Variants in CDK5RAP2 observed in about 807,000 individuals in gnomAD.
CDK5RAP2 encodes the protein CDK5 regulatory subunit associated protein 2.
A neutral mutation model predicts 232.9 loss-of-function variants in CDK5RAP2; 147 were observed. The observed-to-expected ratio is 0.63, with a 90% confidence interval of 0.55 to 0.72. The LOEUF (loss-of-function observed/expected upper bound fraction) is 0.72. Among genes scored for constraint, CDK5RAP2 ranks in the 30% least tolerant of loss-of-function variants. CDK5RAP2 has a pLI of 0.00. For synonymous variants in CDK5RAP2, 833 were observed against 833.7 expected (o/e 1.00, Z 0.01); for missense variants, 2,195 against 2,231.5 (o/e 0.98, Z 0.33).
intron 12 of CDK5RAP2, among the ~76,000 whole-genome samples, chr9:120,517,175 T>C (rs1050788774): frequency 4.6e-5 from 7 of 152,234 alleles, no homozygotes; most frequent in African/African-American, 1.7e-4. Flanking sequence ...AGAAAATCAG[T>C]AAGAGTTACT....
intron 26 of CDK5RAP2, 68 bp from the exon 27 acceptor site, chr9:120,420,028 C>G (rs1453003374): frequency 8.1e-7 from 1 of 1,228,382 alleles, no homozygotes; most frequent in Admixed American, 1.7e-5. Flanking sequence ...CTATGACTTA[C>G]GAATACTTAC....
At position 120,487,297 on chromosome 9, in the gene CDK5RAP2, A is replaced by G. The variant is rs1588462721; in HGVS notation, c.1623T>C (p.Ser541=). ...QQPPGSKTIF[S]KEKKQSSDYE... is the part of the protein sequence containing the mutation. ...GTCCAATTTCAGTCAAGCTTACCTT[A>G]GAGAAGATGGTTTTGCTGCCTGGTG... is the stretch of plus-strand genomic sequence containing the variant. The change falls in exon 14 of 38, where the codon TCT becomes TCC. Residue 541 remains serine, a synonymous_variant. Transcript: ENST00000349780. 1.9e-6 allele frequency: 3 copies of G among 1,613,912 alleles called. No homozygotes were observed. Among genetic ancestry groups the G allele is most frequent in the Non-Finnish European group, 2.5e-6 (3 of 1,179,822 alleles).
intron 4 of CDK5RAP2, among the ~76,000 whole-genome samples, chr9:120,546,059 T>G (rs1380727033): frequency 6.6e-6 from 1 of 152,200 alleles, no homozygotes; most frequent in Non-Finnish European, 1.5e-5. Flanking sequence ...CATTCAAATA[T>G]CAAGGCATAA....
chr9:120,550,989 C>A, intron 3 of CDK5RAP2, 87 bp from the exon 4 acceptor site: 1 of 797,794 alleles, frequency 1.3e-6, no homozygotes. Flanking sequence ...CTATGGATTA[C>A]GAGGCTACAA....
intron 36 of CDK5RAP2, among the ~76,000 whole-genome samples, chr9:120,392,728 G>A (rs1311633550): frequency 6.6e-6 from 1 of 152,172 alleles, no homozygotes; most frequent in African/African-American, 2.4e-5. Flanking sequence ...CTCTACGAGT[G>A]ACACGAAACC....
chr9:120,510,356 G>T (rs779963780), intron 12 of CDK5RAP2, among the ~76,000 whole-genome samples: 3 of 152,086 alleles, frequency 2.0e-5, no homozygotes, highest in Non-Finnish European at 4.4e-5. Context: ...GCGGATGACG[G>T]GTCTCATAAC....
At position 120,403,199 on chromosome 9, in the gene CDK5RAP2, C is replaced by A. The variant is rs2033187398; in HGVS notation, c.5042-128G>T. 3 of 902,614 alleles carry A rather than the reference C, an allele frequency of 3.3e-6. No homozygotes were observed. The highest frequency in any genetic ancestry group is 3.3e-5 in the African/African-American group (2 of 60,542). The allele number at this position is 902,614 out of a possible 1,614,324, so 55.9% of individuals were successfully genotyped here. A position where few individuals can be genotyped will look rare whatever the true frequency, so the allele number is the denominator to read the frequency against. ...GTGCCCAAATGCCACCCAACACAAGCCCAGAGGGGAAAAGAGGCACGCTCC... is the reference window on the plus strand; with the variant it reads ...GTGCCCAAATGCCACCCAACACAAGACCAGAGGGGAAAAGAGGCACGCTCC... On this transcript the variant is annotated intron_variant, in intron 33 of 37. Transcript: ENST00000349780. This position sits in a 1 kb window ranked among gnomAD's most constrained non-coding sequence, Gnocchi z 4.2.
At chr9:120,568,448 T>G in intron 2 of CDK5RAP2, 60 bp from the exon 3 acceptor site, 1 of 1,177,808 alleles carries the variant, frequency 8.5e-7, no homozygotes. Context: ...GTGTTCCTAT[T>G]GGGGAATAGA....
intron 25 of CDK5RAP2, among the ~76,000 whole-genome samples, chr9:120,428,992 A>G (rs2035103703): frequency 6.6e-6 from 1 of 151,782 alleles, no homozygotes. Context: ...TATAAACAGA[A>G]CCAAAGACAA....
chr9:120,531,668 T>C (rs964603145), intron 7 of CDK5RAP2, among the ~76,000 whole-genome samples: 22 of 152,132 alleles, frequency 1.4e-4, no homozygotes, highest in African/African-American at 4.6e-4. Flanking sequence ...ACCCTCAGAA[T>C]AGCCTTTCTG....
chr9:120,394,673 A>C (rs1484442700), intron 35 of CDK5RAP2, 35 bp from the exon 36 acceptor site: 1 of 1,473,588 alleles, frequency 6.8e-7, no homozygotes, highest in African/African-American at 1.4e-5. Flanking sequence ...ATGAACAAAG[A>C]ACATAAACAT....
chr9:120,397,113 C>A (rs1213480967), intron 35 of CDK5RAP2, among the ~76,000 whole-genome samples: 2 of 152,254 alleles, frequency 1.3e-5, no homozygotes, highest in African/African-American at 2.4e-5. Flanking sequence ...AAGCCACTCC[C>A]TCCCAGGAGG....
At chr9:120,535,011 G>C (rs2041322490) in intron 7 of CDK5RAP2, among the ~76,000 whole-genome samples, 1 of 152,214 alleles carries the variant, frequency 6.6e-6, no homozygotes, top group Non-Finnish European at 1.5e-5. Context: ...ACTTCCCAGG[G>C]AAGTTTCTCT....
chr9:120,533,602 T>G (rs2041252212), intron 7 of CDK5RAP2, among the ~76,000 whole-genome samples: 1 of 151,812 alleles, frequency 6.6e-6, no homozygotes. Context: ...AAGACCAGCC[T>G]GGCCAACATG....
intron 35 of CDK5RAP2, among the ~76,000 whole-genome samples, chr9:120,396,347 G>A (rs917461826): frequency 6.6e-6 from 1 of 152,236 alleles, no homozygotes; most frequent in Non-Finnish European, 1.5e-5. Context: ...TACAGTCAAC[G>A]CCTTAGTCCC....
intron 1 of CDK5RAP2, among the ~76,000 whole-genome samples, chr9:120,575,029 G>T (rs1233562295): frequency 1.3e-5 from 2 of 151,836 alleles, no homozygotes; most frequent in African/African-American, 2.4e-5. Context: ...CTCAGCACAG[G>T]GCACAGCCAT....
At chr9:120,414,984 C>G in intron 28 of CDK5RAP2, 56 bp downstream of exon 28, 7 of 1,599,220 alleles carry the variant, frequency 4.4e-6, no homozygotes, top group Non-Finnish European at 6.0e-6. Flanking sequence ...CAGGCAAATG[C>G]GTCACAGTGA....
intron 25 of CDK5RAP2, among the ~76,000 whole-genome samples, chr9:120,423,969 G>C (rs1358648955): frequency 1.3e-5 from 2 of 152,204 alleles, no homozygotes; most frequent in African/African-American, 4.8e-5. Context: ...AACATGCTAA[G>C]TGGTAGAAAG....
intron 20 of CDK5RAP2, among the ~76,000 whole-genome samples, chr9:120,454,838 C>T (rs572631354): frequency 2.0e-5 from 3 of 152,328 alleles, no homozygotes; most frequent in Non-Finnish European, 4.4e-5. Flanking sequence ...GGGTCCCCAG[C>T]AGTAACCAGA....
Sources: gnomAD v4.1 joint callset for allele counts (sites outside exome capture counted in the v4.1 genomes callset) on GRCh38, gnomAD v4.1.1 for gene constraint, Gnocchi (gnomAD v3.1) non-coding constraint, MANE v1.5 for transcripts, NCBI Gene and HGNC (gene_info 2026-07-23, HGNC 2026-07-21) for gene names.